The following MYOF variants were observed in gnomAD, a reference collection of about 807,000 sequenced individuals.
The protein encoded by MYOF is fer-1-like 3, myoferlin.
Under a neutral mutation model 284.2 loss-of-function variants are expected in MYOF, and 244 were observed. That is an observed-to-expected ratio of 0.86 (90% CI 0.77 to 0.95). The LOEUF (loss-of-function observed/expected upper bound fraction) is 0.95. Among genes scored for constraint, MYOF ranks in the 40% least tolerant of loss-of-function variants. The pLI is 0.00. For synonymous variants in MYOF, 904 were observed against 919.7 expected, an observed-to-expected ratio of 0.98 and a Z score of 0.31; for missense variants, 2,496 against 2,560.6, an observed-to-expected ratio of 0.97 and a Z score of 0.54.
Position 93,363,996 on chromosome 10 carries a change from C to T in MYOF, c.2833G>A (p.Asp945Asn), listed in dbSNP as rs139065987. ...YQNESRYPGG[D>N]WKPAEDTYTD... is the part of the protein sequence containing the mutation. ...TAGGTGTCCTCGGCCGGCTTCCAGT[C>T]GCCCCCGGGGTAGCGGCTCTCGTTC... The change falls in exon 27 of 54, where the codon GAC becomes AAC. Residue 945 changes from aspartate (D) to asparagine (N), a missense_variant. By Grantham distance (23) the Asp-to-Asn change is conservative. This residue lies in a region of MYOF where 2,436 missense variants were observed against 2,480.7 expected (regional missense o/e 0.98). Transcript: ENST00000359263. The T allele has an allele frequency of 1.8e-4, 288 of 1,614,168 alleles. 1 individual carries two copies. Among genetic ancestry groups the T allele is most frequent in the Admixed American group, 1.3e-3 (76 of 60,030 alleles).
At chr10:93,448,675 A>C (rs2056505571) in intron 3 of MYOF, among the ~76,000 whole-genome samples, 1 of 152,212 alleles carries the variant, frequency 6.6e-6, no homozygotes, top group Non-Finnish European at 1.5e-5. Flanking sequence ...GGAAGAAAAC[A>C]TAAGATCTGA....
chr10:93,402,957 C>T, intron 9 of MYOF, 67 bp from the exon 10 acceptor site: 1 of 1,331,260 alleles, frequency 7.5e-7, no homozygotes, highest in South Asian at 1.2e-5. Flanking sequence ...TTTAAAGAAG[C>T]CATCATTATA....
At chr10:93,382,151 G>A (rs557544325) in intron 19 of MYOF, among the ~76,000 whole-genome samples, 13 of 152,302 alleles carry the variant, frequency 8.5e-5, no homozygotes, top group African/African-American at 2.6e-4. Flanking sequence ...CAGTAGTTAT[G>A]TTGAAGAAGG....
At chr10:93,333,446 A>T in intron 42 of MYOF, 134 bp from the exon 43 acceptor site, 1 of 812,082 alleles carries the variant, frequency 1.2e-6, no homozygotes, top group South Asian at 1.6e-5. Flanking sequence ...CCCCGTGCCT[A>T]AGACAAGGGA....
chr10:93,452,066 T>A lies in MYOF; in HGVS notation c.220A>T (p.Thr74Ser). 6.2e-7 allele frequency: 1 copy of A among 1,611,572 alleles called. No individual in the cohort carries two copies. Among genetic ancestry groups the A allele is most frequent in the South Asian group, 1.1e-5 (1 of 90,694 alleles). ...SLGIIVKDFE[T>S]IGQNKLIGTA... ...ACAACTTACTTATTTTGTCCAATTG[T>A]CTCAAAATCTTTCACAATAATCCCA... The change falls in exon 3 of 54, where the codon ACA becomes TCA. Residue 74 changes from threonine (T) to serine (S), a missense_variant. Coordinates refer to ENST00000359263, the MANE Select transcript of MYOF (RefSeq NM_013451.4).
rs74677795 is a variant in MYOF at position 93,466,082 on chromosome 10, G to A, written c.89-9145C>T. Among the ~76,000 whole-genome samples the A allele has an allele frequency of 6.6e-4, 101 of 152,220 alleles. 1 individual carries two copies. The highest frequency in any genetic ancestry group is 2.3e-3 in the African/African-American group (97 of 41,546). On this transcript the variant is annotated intron_variant, in intron 1 of 53. Transcript: ENST00000359263. ...CTGGCTAATTTCTACTATCAACAAG[G>A]GGCAGAGAAGTTTCTGAGAAGGGCT...
intron 43 of MYOF, 46 bp from the exon 44 acceptor site, chr10:93,329,880 T>C: frequency 6.3e-7 from 1 of 1,597,652 alleles, no homozygotes; most frequent in Non-Finnish European, 8.6e-7. Context: ...TCCATCTGAG[T>C]ACCTCACAAA....
chr10:93,306,701 C>T lies in MYOF; in HGVS notation c.*262G>A, dbSNP rs562024267. 2 of 434,986 alleles carry T rather than the reference C, an allele frequency of 4.6e-6. No individual in the cohort carries two copies. The highest frequency in any genetic ancestry group is 4.5e-5 in the Admixed American group (1 of 22,466). 26.9% of individuals were successfully genotyped at this position (434,986 alleles called of 1,614,324 possible). A position where few individuals can be genotyped will look rare whatever the true frequency, so the allele number is the denominator to read the frequency against. ...AAGATGATTTTTAAATGGAACCAGC[C>T]ACCTTGAAAAATATTTTGAAAAACA... is the stretch of plus-strand genomic sequence containing the variant. On this transcript the variant is annotated 3_prime_UTR_variant, in exon 54 of 54. Coordinates refer to ENST00000359263, the MANE Select transcript of MYOF (RefSeq NM_013451.4).
At chr10:93,363,369 T>C (rs1029782472) in intron 27 of MYOF, among the ~76,000 whole-genome samples, 2 of 152,204 alleles carry the variant, frequency 1.3e-5, no homozygotes, top group Non-Finnish European at 2.9e-5. Context: ...TCATTTGTTA[T>C]ACTATTAAAA....
intron 5 of MYOF, among the ~76,000 whole-genome samples, chr10:93,425,246 G>A (rs1240569885): frequency 1.3e-5 from 2 of 152,080 alleles, no homozygotes; most frequent in Non-Finnish European, 2.9e-5. Flanking sequence ...CAGCCAGGAG[G>A]GAGAGTTTCA....
intron 32 of MYOF, among the ~76,000 whole-genome samples, chr10:93,352,450 C>T (rs1049539945): frequency 2.0e-5 from 3 of 152,128 alleles, no homozygotes; most frequent in African/African-American, 7.2e-5. Flanking sequence ...TAACAGCAGC[C>T]GGAAAAGCTC....
In MYOF at chr10:93,309,193, G is replaced by C. The variant is rs1023873779; in HGVS notation, c.6147+827C>G. On this transcript the variant is annotated intron_variant, in intron 53 of 53. Coordinates refer to ENST00000359263, the MANE Select transcript of MYOF (RefSeq NM_013451.4). Reference sequence around the variant, plus strand: ...TAGCAGGGGGTGCCCACGGTTGTTTGTTTCTGTCTCCATAACAGCTCACCT... The same window carrying C: ...TAGCAGGGGGTGCCCACGGTTGTTTCTTTCTGTCTCCATAACAGCTCACCT... Among the ~76,000 whole-genome samples the C allele has an allele frequency of 5.3e-5, 8 of 152,122 alleles. No individual in the cohort carries two copies. The South Asian group carries it at 6.2e-4, about 12-fold the overall frequency.
At chr10:93,329,419 T>A (rs186188353) in intron 44 of MYOF, among the ~76,000 whole-genome samples, 1 of 152,336 alleles carries the variant, frequency 6.6e-6, no homozygotes, top group Admixed American at 6.5e-5. Context: ...TCTGGGCTGC[T>A]AACTGTGCCA....
chr10:93,349,729 G>A, intron 36 of MYOF, 79 bp downstream of exon 36: 1 of 1,485,374 alleles, frequency 6.7e-7, no homozygotes. Context: ...AATAAACTCT[G>A]TGTTTGTGTG....
chr10:93,471,885 G>A (rs1181860390), intron 1 of MYOF, among the ~76,000 whole-genome samples: 2 of 92,338 alleles, frequency 2.2e-5, no homozygotes, highest in Non-Finnish European at 2.7e-5. Context: ...GTGAAACACT[G>A]TCTCAAAAAA....
intron 43 of MYOF, among the ~76,000 whole-genome samples, chr10:93,330,301 C>T (rs918460664): frequency 4.6e-5 from 7 of 152,114 alleles, no homozygotes; most frequent in Non-Finnish European, 1.0e-4. Flanking sequence ...TGCCCATTAG[C>T]TGTTCACCAG....
chr10:93,478,840 A>G (rs61664992), intron 1 of MYOF, among the ~76,000 whole-genome samples: 23,493 of 78,664 alleles, frequency 0.3, 3,900 homozygotes, highest in Middle Eastern at 0.41. Context: ...AAAAAAAAAA[A>G]AAAGAAAGAA....
chr10:93,306,873 T>G lies in MYOF; in HGVS notation c.*90A>C. 1 of 1,352,202 alleles carries G rather than the reference T, an allele frequency of 7.4e-7. No individual in the cohort carries two copies. The highest frequency in any genetic ancestry group is 1.2e-5 in the South Asian group (1 of 83,880). The allele number at this position is 1,352,202 out of a possible 1,614,324, so 83.8% of individuals were successfully genotyped here. A position where few individuals can be genotyped will look rare whatever the true frequency, so the allele number is the denominator to read the frequency against. Reference sequence around the variant, plus strand: ...GGCGTAACCTGCTACTGGGGTGTGGTCTCAGACACAAAATCACACTGGATG... The same window carrying G: ...GGCGTAACCTGCTACTGGGGTGTGGGCTCAGACACAAAATCACACTGGATG... On this transcript the variant is annotated 3_prime_UTR_variant, in exon 54 of 54. Transcript: ENST00000359263.
intron 43 of MYOF, among the ~76,000 whole-genome samples, chr10:93,331,266 A>G (rs10509650): frequency 0.27 from 41,065 of 151,940 alleles, 7,335 homozygotes; most frequent in Non-Finnish European, 0.4. Flanking sequence ...CGGAGAAGAA[A>G]GCTACCCCCT....
Sources: gnomAD v4.1 joint callset for allele counts (sites outside exome capture counted in the v4.1 genomes callset) on GRCh38, gnomAD v4.1.1 for gene constraint, gnomAD v4.1.1 regional missense constraint, MANE v1.5 for transcripts, NCBI Gene and HGNC (gene_info 2026-07-23, HGNC 2026-07-21) for gene names.